ZSWIM4: variants seen among roughly 807,000 people sequenced by gnomAD.
The protein encoded by ZSWIM4 is zinc finger SWIM domain-containing protein 4.
In ZSWIM4, 62 loss-of-function variants were observed where a neutral mutation model predicts 102.5. That is an observed-to-expected ratio of 0.60 (90% CI 0.49 to 0.75). The LOEUF (loss-of-function observed/expected upper bound fraction) is 0.75, where lower values mean the gene tolerates loss of function less well. Ranked by LOEUF, ZSWIM4 falls within the 30% of genes least tolerant of loss-of-function variation. The pLI is 0.00. For synonymous variants in ZSWIM4, 652 were observed against 674.5 expected (o/e 0.97, Z 0.52); for missense variants, 1,280 against 1,529.6 (o/e 0.84, Z 2.72).
chr19:13,814,170 C>G (rs1975196032), intron 6 of ZSWIM4, among the ~76,000 whole-genome samples: 1 of 150,988 alleles, frequency 6.6e-6, no homozygotes, highest in South Asian at 2.1e-4. Flanking sequence ...GATTCTCATT[C>G]CTCAGCCTCC....
Position 13,825,855 on chromosome 19 carries a change from T to G in ZSWIM4, c.2379+142T>G. 3 of 1,210,814 alleles carry G rather than the reference T, an allele frequency of 2.5e-6. No individual in the cohort carries two copies. The highest frequency in any genetic ancestry group is 3.4e-6 in the Non-Finnish European group (3 of 888,304). The allele number at this position is 1,210,814 out of a possible 1,614,324, so 75.0% of individuals were successfully genotyped here. A position where few individuals can be genotyped will look rare whatever the true frequency, so the allele number is the denominator to read the frequency against. ...TTTGCGTGAGCTATTCCTCTGTGGC[T>G]GGGGACTGAGCGAGAACCACTCTTG... On this transcript the variant is annotated intron_variant, in intron 12 of 13. Coordinates refer to ENST00000590508, the MANE Select transcript of ZSWIM4 (RefSeq NM_001367834.3). The surrounding 1 kb of genome is among the most constrained non-coding windows in gnomAD (Gnocchi z 4.6).
chr19:13,830,040 C>T, intron 13 of ZSWIM4, 151 bp from the exon 14 acceptor site: 1 of 995,710 alleles, frequency 1.0e-6, no homozygotes, highest in East Asian at 2.6e-5. Flanking sequence ...CCACCTAGTC[C>T]AGGTGCGCCC....
intron 10 of ZSWIM4, among the ~76,000 whole-genome samples, chr19:13,821,636 A>T (rs1975465190): frequency 6.6e-6 from 1 of 152,116 alleles, no homozygotes; most frequent in African/African-American, 2.4e-5. Flanking sequence ...AGCCTCATAT[A>T]CATGGGCTCA....
chr19:13,812,269 GT>G (rs1220933651), intron 5 of ZSWIM4, among the ~76,000 whole-genome samples: 4 of 151,728 alleles, frequency 2.6e-5, no homozygotes, highest in Non-Finnish European at 4.4e-5. Flanking sequence ...TGGAGGCCTG[GT>G]TTTTTTGTTT....
intron 7 of ZSWIM4, chr19:13,815,248 C>T (rs2145326445): frequency 6.6e-6 from 1 of 152,668 alleles, no homozygotes; most frequent in South Asian, 2.0e-4. Context: ...CTCCACCTCC[C>T]AGGTTCAAGG....
intron 12 of ZSWIM4, among the ~76,000 whole-genome samples, chr19:13,826,250 G>C (rs916960635): frequency 2.0e-5 from 3 of 152,092 alleles, no homozygotes; most frequent in African/African-American, 7.2e-5. Context: ...ATCGCAAGCG[G>C]AGCCTGGGGG....
intron 5 of ZSWIM4, among the ~76,000 whole-genome samples, chr19:13,811,944 G>A (rs142188413): frequency 0.018 from 2,774 of 151,860 alleles, 78 homozygotes; most frequent in African/African-American, 0.061. Context: ...GCATTGTGGC[G>A]GACGCCTGTA....
intron 10 of ZSWIM4, among the ~76,000 whole-genome samples, chr19:13,821,824 C>T (rs925193175): frequency 2.6e-5 from 4 of 152,060 alleles, no homozygotes; most frequent in Non-Finnish European, 4.4e-5. Flanking sequence ...AAGCTCCAAA[C>T]CTCCCGGGTT....
intron 10 of ZSWIM4, among the ~76,000 whole-genome samples, chr19:13,821,745 G>T (rs1411940298): frequency 6.6e-6 from 1 of 150,984 alleles, no homozygotes; most frequent in Admixed American, 6.6e-5. Flanking sequence ...TTGAGAGGGA[G>T]TCTCACTTTC....
chr19:13,811,943 C>T (rs560922886), intron 5 of ZSWIM4, among the ~76,000 whole-genome samples: 1 of 151,868 alleles, frequency 6.6e-6, no homozygotes, highest in South Asian at 2.1e-4. Flanking sequence ...GGCATTGTGG[C>T]GGACGCCTGT....
At chr19:13,800,555 G>T (rs370951132) in intron 2 of ZSWIM4, among the ~76,000 whole-genome samples, 1 of 145,836 alleles carries the variant, frequency 6.9e-6, no homozygotes, top group Non-Finnish European at 1.5e-5. Context: ...GTGAGCCACC[G>T]CTCCCGGCCC....
chr19:13,800,338 T>A (rs1974734505), intron 2 of ZSWIM4, among the ~76,000 whole-genome samples: 1 of 125,950 alleles, frequency 7.9e-6, no homozygotes, highest in African/African-American at 3.0e-5. Flanking sequence ...CGATCTCGGC[T>A]CACTGCAAGC....
intron 12 of ZSWIM4, among the ~76,000 whole-genome samples, chr19:13,826,633 C>T (rs1975618121): frequency 6.6e-6 from 1 of 152,092 alleles, no homozygotes. Context: ...AGCGTGGTGG[C>T]ACGCGCCTGT....
intron 3 of ZSWIM4, 71 bp downstream of exon 3, chr19:13,805,219 C>A: frequency 7.5e-7 from 1 of 1,340,240 alleles, no homozygotes; most frequent in East Asian, 2.3e-5. Flanking sequence ...GCTGTGTGCC[C>A]AGTGCTGGTC....
chr19:13,798,814 A>G (rs934731362), intron 1 of ZSWIM4, among the ~76,000 whole-genome samples: 1 of 152,104 alleles, frequency 6.6e-6, no homozygotes, highest in African/African-American at 2.4e-5. Context: ...TTTGAGACGG[A>G]GTCTCGCTCC....
At position 13,830,472 on chromosome 19, in the gene ZSWIM4, G is replaced by C. The variant is rs772259206; in HGVS notation, c.2743G>C (p.Gly915Arg). 2 of 1,602,608 alleles carry C rather than the reference G, an allele frequency of 1.2e-6. No individual in the cohort carries two copies. Among genetic ancestry groups the C allele is most frequent in the Non-Finnish European group, 1.7e-6 (2 of 1,179,646 alleles). Residue 915 changes from glycine to arginine, a missense_variant, in exon 14 of 14, where the codon GGC becomes CGC. Transcript: ENST00000590508. ...AYQIVLDAAAGGLGHAHLFTV... is the reference protein window; with the variant it reads ...AYQIVLDAAARGLGHAHLFTV... ...CCAGATCGTGCTGGACGCGGCGGCC[G>C]GCGGCCTGGGCCACGCCCACCTCTT...
At position 13,818,778 on chromosome 19, in the gene ZSWIM4, G is replaced by A. The variant is rs532395717; in HGVS notation, c.1925-579G>A. 4.0e-5 allele frequency among the ~76,000 whole-genome samples: 6 copies of A among 151,610 alleles called. No individual in the cohort carries two copies. The South Asian group carries it at 1.0e-3, about 26-fold the overall frequency. On this transcript the variant is annotated intron_variant, in intron 9 of 13. Transcript: ENST00000590508. The stretch of plus-strand genomic sequence containing the variant: ...GGGGTTTCCCCATGTTGGCCAGGCT[G>A]GTCTCAAACTCCTGACCTCAAGTGA...
At chr19:13,803,243 G>A (rs528272948) in intron 2 of ZSWIM4, among the ~76,000 whole-genome samples, 1 of 152,350 alleles carries the variant, frequency 6.6e-6, no homozygotes, top group Admixed American at 6.5e-5. Flanking sequence ...CCCAGGCTGG[G>A]CCTGAGCTGC....
rs1351714915 is a variant in ZSWIM4 at position 13,830,471 on chromosome 19, C to T, written c.2742C>T (p.Ala914=). ...ACCAGATCGTGCTGGACGCGGCGGC[C>T]GGCGGCCTGGGCCACGCCCACCTCT... ...AAYQIVLDAA[A]GGLGHAHLFT... The change falls in exon 14 of 14, where the codon GCC becomes GCT. Residue 914 remains alanine (A), a synonymous_variant. Transcript: ENST00000590508. 3 of 1,603,136 alleles carry T rather than the reference C, an allele frequency of 1.9e-6. No individual in the cohort carries two copies. The highest frequency in any genetic ancestry group is 1.3e-5 in the African/African-American group (1 of 74,912).
Sources: allele counts gnomAD v4.1 joint callset (sites outside exome capture counted in the v4.1 genomes callset), GRCh38; gene constraint gnomAD v4.1.1; non-coding constraint Gnocchi (gnomAD v3.1); transcripts MANE v1.5; gene names NCBI Gene and HGNC (gene_info 2026-07-23, HGNC 2026-07-21).